The following LRRC4C variants were observed in gnomAD, a reference collection of about 807,000 sequenced individuals.
The protein encoded by LRRC4C is leucine rich repeat containing 4C.
A neutral mutation model predicts 33.6 loss-of-function variants in LRRC4C; 5 were observed. The observed-to-expected ratio is 0.15, with a 90% CI of 0.08 to 0.31. The LOEUF (loss-of-function observed/expected upper bound fraction) is 0.31. LRRC4C is among the 10% of genes least tolerant of loss of function. LRRC4C has a pLI of 1.00. For missense variants in LRRC4C, 560 were observed against 796.7 expected (o/e 0.70, Z 3.58); for synonymous variants, 329 against 302.0 (o/e 1.09, Z -0.93).
intron 2 of LRRC4C, among the ~76,000 whole-genome samples, chr11:40,830,950 C>T (rs1263695016): frequency 6.6e-6 from 1 of 152,080 alleles, no homozygotes; most frequent in African/African-American, 2.4e-5. Context: ...CCAGTTTGAA[C>T]CACCCAAAGA....
intron 1 of LRRC4C, among the ~76,000 whole-genome samples, chr11:41,331,444 A>G (rs1414798439): frequency 6.6e-6 from 1 of 152,218 alleles, no homozygotes; most frequent in Non-Finnish European, 1.5e-5. Flanking sequence ...TTTTTAATGC[A>G]TGCATGAAAG....
chr11:41,124,814 C>T (rs1345467486), intron 1 of LRRC4C, among the ~76,000 whole-genome samples: 2 of 151,924 alleles, frequency 1.3e-5, no homozygotes, highest in African/African-American at 4.8e-5. Context: ...TCTTTAGGAG[C>T]CAGAGTGGGC....
intron 1 of LRRC4C, among the ~76,000 whole-genome samples, chr11:41,063,548 G>C (rs1041285027): frequency 6.6e-6 from 1 of 152,144 alleles, no homozygotes; most frequent in African/African-American, 2.4e-5. Flanking sequence ...ATGAGAGAGA[G>C]CTGGCATATT....
chr11:40,555,255 G>T (rs1957288995), intron 3 of LRRC4C, among the ~76,000 whole-genome samples: 1 of 152,102 alleles, frequency 6.6e-6, no homozygotes, highest in Non-Finnish European at 1.5e-5. Context: ...ACAGACCGAT[G>T]TCCAGGCTGC....
chr11:41,008,695 T>C (rs1208155004), intron 1 of LRRC4C, among the ~76,000 whole-genome samples: 1 of 152,184 alleles, frequency 6.6e-6, no homozygotes, highest in Non-Finnish European at 1.5e-5. Context: ...ACAGAGGTTT[T>C]GTATCTGCCA....
intron 1 of LRRC4C, among the ~76,000 whole-genome samples, chr11:41,196,163 C>G (rs928915490): frequency 1.3e-5 from 2 of 152,044 alleles, no homozygotes; most frequent in Non-Finnish European, 2.9e-5. Flanking sequence ...AGCACCTCAT[C>G]CTGAAGTTTA....
At chr11:40,483,202 G>A (rs1953678774) in intron 3 of LRRC4C, among the ~76,000 whole-genome samples, 1 of 152,164 alleles carries the variant, frequency 6.6e-6, no homozygotes, top group Admixed American at 6.5e-5. Context: ...GGAGCACTGG[G>A]CATCATCTTA....
chr11:40,554,645 A>G (rs1218072667), intron 3 of LRRC4C, among the ~76,000 whole-genome samples: 1 of 149,036 alleles, frequency 6.7e-6, no homozygotes, highest in Non-Finnish European at 1.5e-5. Context: ...TTTCAGCTGT[A>G]TTTTGTAGCT....
chr11:40,949,440 G>GA (rs1958586390), intron 1 of LRRC4C, among the ~76,000 whole-genome samples: 1 of 152,000 alleles, frequency 6.6e-6, no homozygotes, highest in African/African-American at 2.4e-5. Flanking sequence ...TGAAATGAAG[G>GA]AAAAAATGTT....
intron 3 of LRRC4C, among the ~76,000 whole-genome samples, chr11:40,637,543 C>T (rs1376637281): frequency 2.0e-5 from 3 of 152,202 alleles, no homozygotes; most frequent in African/African-American, 7.2e-5. Flanking sequence ...TTATCTTTCA[C>T]TCCAAATCTC....
chr11:40,312,894 A>G (rs1215414410), intron 4 of LRRC4C, among the ~76,000 whole-genome samples: 1 of 152,150 alleles, frequency 6.6e-6, no homozygotes, highest in East Asian at 1.9e-4. Context: ...CCCAAGCAAC[A>G]TCTTGATACC....
At chr11:41,205,834 C>G (rs1352735073) in intron 1 of LRRC4C, among the ~76,000 whole-genome samples, 1 of 152,058 alleles carries the variant, frequency 6.6e-6, no homozygotes, top group East Asian at 1.9e-4. Context: ...GATGAGTAAT[C>G]TGAGTCTTAG....
chr11:40,531,479 T>G (rs746347403), intron 3 of LRRC4C, among the ~76,000 whole-genome samples: 1 of 151,804 alleles, frequency 6.6e-6, no homozygotes, highest in African/African-American at 2.4e-5. Context: ...AAGGAACAGA[T>G]AGAAGAAAAA....
chr11:40,603,615 G>A (rs780757324), intron 3 of LRRC4C, among the ~76,000 whole-genome samples: 11 of 152,116 alleles, frequency 7.2e-5, no homozygotes, highest in African/African-American at 1.7e-4. Flanking sequence ...CCAATTCTCC[G>A]GAATATGGTG....
intron 3 of LRRC4C, among the ~76,000 whole-genome samples, chr11:40,473,103 A>G (rs1953025195): frequency 6.6e-6 from 1 of 152,222 alleles, no homozygotes; most frequent in South Asian, 2.1e-4. Flanking sequence ...AACTCATTCT[A>G]TGAAACCAGC....
intron 5 of LRRC4C, among the ~76,000 whole-genome samples, chr11:40,229,927 A>G (rs1865080647): frequency 6.6e-6 from 1 of 152,166 alleles, no homozygotes; most frequent in Admixed American, 6.5e-5. Context: ...CTAATTTATG[A>G]TATCTTTTAT....
chr11:41,037,802 A>T (rs1383778588), intron 1 of LRRC4C, among the ~76,000 whole-genome samples: 1 of 152,114 alleles, frequency 6.6e-6, no homozygotes. Context: ...TCTTCCCTCT[A>T]ATCTATCCAG....
intron 1 of LRRC4C, among the ~76,000 whole-genome samples, chr11:41,353,616 C>A (rs900980824): frequency 1.3e-5 from 2 of 151,936 alleles, no homozygotes; most frequent in African/African-American, 4.8e-5. Flanking sequence ...GATGCAAAAA[C>A]CTTCAACAAA....
chr11:40,808,178 A>G (rs1951333007), intron 2 of LRRC4C, among the ~76,000 whole-genome samples: 1 of 152,066 alleles, frequency 6.6e-6, no homozygotes, highest in Non-Finnish European at 1.5e-5. Flanking sequence ...ATCCTATAGT[A>G]TATATAATCT....
Sources: allele counts gnomAD v4.1 joint callset (sites outside exome capture counted in the v4.1 genomes callset), GRCh38; gene constraint gnomAD v4.1.1; transcripts MANE v1.5; gene names NCBI Gene and HGNC (gene_info 2026-07-23, HGNC 2026-07-21).